Variants in IRF6 observed in about 807,000 individuals in gnomAD.
IRF6 encodes the protein interferon regulatory factor 6, also known as Van der Woude syndrome.
Under a neutral mutation model 51.4 loss-of-function variants are expected in IRF6, and 6 were observed. The ratio of observed to expected loss-of-function variants is 0.12; its 90% CI spans 0.06 to 0.23. The LOEUF is 0.23. Ranked by LOEUF, IRF6 falls within the 10% of genes least tolerant of loss-of-function variation. The pLI, the probability that IRF6 is intolerant of heterozygous loss-of-function variation, is 1.00. For missense variants in IRF6, 348 were observed against 585.2 expected, an observed-to-expected ratio of 0.59 and a Z score of 4.18; for synonymous variants, 178 against 215.7, an observed-to-expected ratio of 0.83 and a Z score of 1.53.
intron 6 of IRF6, 170 bp from the exon 7 acceptor site, chr1:209,791,057 A>C: frequency 6.9e-5 from 68 of 985,380 alleles, no homozygotes; most frequent in Non-Finnish European, 8.1e-5. Flanking sequence ...TATCCCTGGA[A>C]TATTCACTCA....
chr1:209,788,385 TATAAAAA>T lies in IRF6; in HGVS notation c.*28_*34del. On this transcript the variant is annotated 3_prime_UTR_variant, in exon 9 of 9. Transcript: ENST00000367021. ...ATAAAAAAATCCATATGTACAATAT[TATAAAAA>T]AGAGAAGGAAGAAGATGGCATTCAC... 1 of 1,353,492 alleles carries T rather than the reference TATAAAAA, an allele frequency of 7.4e-7. No homozygotes were observed. Among genetic ancestry groups the T allele is most frequent in the Non-Finnish European group, 1.1e-6 (1 of 946,146 alleles). 83.8% of individuals were successfully genotyped at this position (1,353,492 alleles called of 1,614,324 possible).
At chr1:209,794,294 G>A (rs1055549273) in intron 5 of IRF6, among the ~76,000 whole-genome samples, 1 of 152,072 alleles carries the variant, frequency 6.6e-6, no homozygotes, top group African/African-American at 2.4e-5. Context: ...TTTCATTGTG[G>A]TTTCGATTTG....
rs1333503214 is a variant in IRF6, at chr1:209,790,437, G to A, written c.1060+58C>T. 6.4e-7 allele frequency: 1 copy of A among 1,573,786 alleles called. No homozygotes were observed. Among genetic ancestry groups the A allele is most frequent in the Non-Finnish European group, 8.7e-7 (1 of 1,145,436 alleles). ...AGGAAGGTGAAAGACAGGGATAGTGGAAGGAATGTACTTCCAGAGAGTGAT... is the reference window on the plus strand; with the variant it reads ...AGGAAGGTGAAAGACAGGGATAGTGAAAGGAATGTACTTCCAGAGAGTGAT... On this transcript the variant is annotated intron_variant, in intron 7 of 8. Transcript: ENST00000367021. The surrounding 1 kb of genome is among the most constrained non-coding windows in gnomAD (Gnocchi z 4.8).
At chr1:209,791,028 A>G in intron 6 of IRF6, 141 bp from the exon 7 acceptor site, 1 of 1,554,124 alleles carries the variant, frequency 6.4e-7, no homozygotes, top group Non-Finnish European at 8.6e-7. Context: ...CCTTCCTGCA[A>G]TAAAGGGAGA....
At chr1:209,797,370 CAAAAAAAAAAAAAAAAA>C in intron 3 of IRF6, among the ~76,000 whole-genome samples, 1 of 48,594 alleles carries the variant, frequency 2.1e-5, no homozygotes, top group Admixed American at 3.4e-4. Context: ...AACTTCATCT[CAAAAAAAAAAAAAAAAA>C]AAAAAAAAAG....
At chr1:209,800,673 C>T (rs2077935272) in intron 3 of IRF6, among the ~76,000 whole-genome samples, 1 of 152,068 alleles carries the variant, frequency 6.6e-6, no homozygotes, top group African/African-American at 2.4e-5. Flanking sequence ...GCGGGAGGAT[C>T]GCTTGAGCCT....
Position 209,792,346 on chromosome 1 carries a change from G to A in IRF6, c.590C>T (p.Pro197Leu), listed in dbSNP as rs773191769. The change falls in exon 6 of 9, where the codon CCC (proline) becomes CTC (leucine). Residue 197 changes from proline to leucine, a missense_variant. Transcript: ENST00000367021. ...SPEAVWPKTE[P>L]LEMEVPQAPI... ...TGCCTGGGGTACTTCCATCTCCAGG[G>A]GTTCAGTTTTGGGCCACACTGCCTC... The A allele has an allele frequency of 6.2e-7, 1 of 1,614,148 alleles. No homozygotes were observed. The highest frequency in any genetic ancestry group is 1.1e-5 in the South Asian group (1 of 91,080).
intron 3 of IRF6, among the ~76,000 whole-genome samples, chr1:209,797,649 G>T (rs940946985): frequency 6.6e-6 from 1 of 152,178 alleles, no homozygotes; most frequent in Non-Finnish European, 1.5e-5. Flanking sequence ...CAGACAAGAA[G>T]AAGTTAGCCT....
In IRF6 at chr1:209,788,097, AG is replaced by A. The variant is rs1272713336; in HGVS notation, c.*322del. The A allele has an allele frequency of 2.8e-6, 1 of 361,468 alleles. No homozygotes were observed. The highest frequency in any genetic ancestry group is 2.1e-5 in the African/African-American group (1 of 47,888). The allele number at this position is 361,468 out of a possible 1,614,324, so 22.4% of individuals were successfully genotyped here. A position where few individuals can be genotyped will look rare whatever the true frequency, so the allele number is the denominator to read the frequency against. ...TTCACTTTATAAGCAATAAATCTGA[AG>A]CCCAGAGGTTAAAGGACTTGTTCAA... On this transcript the variant is annotated 3_prime_UTR_variant, in exon 9 of 9. Coordinates refer to ENST00000367021, the MANE Select transcript of IRF6 (RefSeq NM_006147.4).
intron 4 of IRF6, among the ~76,000 whole-genome samples, chr1:209,795,823 T>C (rs1056699028): frequency 7.4e-6 from 1 of 134,616 alleles, no homozygotes; most frequent in Non-Finnish European, 1.6e-5. Context: ...CAATTATTAT[T>C]TGTCAATTAA....
At position 209,789,663 on chromosome 1, in the gene IRF6, T is replaced by C. The variant is rs952322566; in HGVS notation, c.1179+4A>G. 3 of 1,599,716 alleles carry C rather than the reference T, an allele frequency of 1.9e-6. No homozygotes were observed. Among genetic ancestry groups the C allele is most frequent in the Non-Finnish European group, 2.6e-6 (3 of 1,167,014 alleles). ...GAGTTGTTGACACAGCCTTATCTTC[T>C]CACCTGAACCAAGATGAGTTTCCTT... On this transcript the variant is annotated splice_donor_region_variant and intron_variant, in intron 8 of 8. Transcript: ENST00000367021.
Position 209,788,133 on chromosome 1 carries a change from G to T in IRF6, c.*287C>A. 2.2e-6 allele frequency: 1 copy of T among 447,026 alleles called. No homozygotes were observed. Among genetic ancestry groups the T allele is most frequent in the Non-Finnish European group, 4.1e-6 (1 of 245,136 alleles). The allele number at this position is 447,026 out of a possible 1,614,324, so 27.7% of individuals were successfully genotyped here. ...TAAAGGACTTGTTCAAGGTCACATT[G>T]GAAGCAAAGCTGCAGCTAGAACTTT... On this transcript the variant is annotated 3_prime_UTR_variant, in exon 9 of 9. Coordinates refer to ENST00000367021, the MANE Select transcript of IRF6 (RefSeq NM_006147.4).
intron 4 of IRF6, among the ~76,000 whole-genome samples, chr1:209,795,990 A>G (rs1296430051): frequency 6.6e-6 from 1 of 152,208 alleles, no homozygotes; most frequent in African/African-American, 2.4e-5. Context: ...TTCAAGTCCC[A>G]CAAGTAGTAA....
chr1:209,792,559 C>T lies in IRF6; in HGVS notation c.509-132G>A. 3 of 886,818 alleles carry T rather than the reference C, an allele frequency of 3.4e-6. No individual in the cohort carries two copies. The South Asian group carries it at 4.4e-5, about 13-fold the overall frequency. 54.9% of individuals were successfully genotyped at this position (886,818 alleles called of 1,614,324 possible). ...CCTGACCCAGTGTGATCTTCCAGCC[C>T]ATCAGTGATTCCCATAACTAACGCA... On this transcript the variant is annotated intron_variant, in intron 5 of 8. Transcript: ENST00000367021.
intron 8 of IRF6, among the ~76,000 whole-genome samples, chr1:209,789,117 C>T (rs528260190): frequency 6.6e-6 from 1 of 152,080 alleles, no homozygotes; most frequent in East Asian, 1.9e-4. Flanking sequence ...CTTAAGCCCA[C>T]GAGTTCCAGA....
In IRF6 at chr1:209,796,670, C is replaced by A. The variant is rs1263026195; in HGVS notation, c.175-118G>T. 4.3e-5 allele frequency: 34 copies of A among 789,858 alleles called. No homozygotes were observed. Among genetic ancestry groups the A allele is most frequent in the Non-Finnish European group, 6.8e-5 (32 of 474,018 alleles). The allele number at this position is 789,858 out of a possible 1,614,324, so 48.9% of individuals were successfully genotyped here. On this transcript the variant is annotated intron_variant, in intron 3 of 8. Transcript: ENST00000367021. This position sits in a 1 kb window ranked among gnomAD's most constrained non-coding sequence, Gnocchi z 4.5. Reference sequence around the variant, plus strand: ...ACACACACACACACACACACACACACACACACAACTTTTGCATGACTGCCC... The same window carrying A: ...ACACACACACACACACACACACACAAACACACAACTTTTGCATGACTGCCC...
At chr1:209,793,634 C>T (rs773041294) in intron 5 of IRF6, among the ~76,000 whole-genome samples, 92 of 152,084 alleles carry the variant, frequency 6.0e-4, no homozygotes, top group Non-Finnish European at 1.1e-3. Flanking sequence ...AATTACATGT[C>T]CCGGGGTTTG....
Position 209,801,243 on chromosome 1 carries a change from A to G in IRF6, c.171T>C (p.Phe57=). 1.2e-6 allele frequency: 2 copies of G among 1,611,622 alleles called. No individual in the cohort carries two copies. Among genetic ancestry groups the G allele is most frequent in the Non-Finnish European group, 1.7e-6 (2 of 1,178,626 alleles). The change falls in exon 3 of 9, where the codon TTT becomes TTC. Residue 57 remains phenylalanine (F), a synonymous_variant. Coordinates refer to ENST00000367021, the MANE Select transcript of IRF6 (RefSeq NM_006147.4). ...SPQQEEENTI[F]KAWAVETGKY... ...GATGGTAGAAGAAGTCCTTTACCTT[A>G]AAAATGGTATTTTCCTCTTCTTGTT...
At chr1:209,801,018 G>C (rs1668942068) in intron 3 of IRF6, among the ~76,000 whole-genome samples, 1 of 152,100 alleles carries the variant, frequency 6.6e-6, no homozygotes, top group Non-Finnish European at 1.5e-5. Flanking sequence ...GGTATCCTTT[G>C]GGATGTGAGT....
Sources: gnomAD v4.1 joint callset for allele counts (sites outside exome capture counted in the v4.1 genomes callset) on GRCh38, gnomAD v4.1.1 for gene constraint, Gnocchi (gnomAD v3.1) non-coding constraint, MANE v1.5 for transcripts, NCBI Gene and HGNC (gene_info 2026-07-23, HGNC 2026-07-21) for gene names.